EXOC7: variants seen among roughly 807,000 people sequenced by gnomAD.
EXOC7 encodes the protein exocyst complex component 7.
EXOC7 carries 51 observed loss-of-function variants against 87.6 expected under a neutral mutation model. That is an observed-to-expected ratio of 0.58 (90% CI 0.46 to 0.73). EXOC7 has a LOEUF of 0.73. Ranked by LOEUF, EXOC7 falls within the 30% of genes least tolerant of loss-of-function variation. EXOC7 has a pLI of 0.00. For missense variants in EXOC7, 744 were observed against 888.4 expected (o/e 0.84, Z 2.07); for synonymous variants, 327 against 357.1 (o/e 0.92, Z 0.95).
Position 76,085,333 on chromosome 17 carries a change from T to C in EXOC7, c.1693A>G (p.Ile565Val). The C allele has an allele frequency of 6.2e-7, 1 of 1,605,190 alleles. No homozygotes were observed. The highest frequency in any genetic ancestry group is 8.5e-7 in the Non-Finnish European group (1 of 1,176,508). ...RSYREHIEQQ[I>V]QTYQRSWLKV... is the part of the protein sequence containing the mutation. ...TCTCACCTGCGCTGGTAGGTCTGGA[T>C]CTGCTGCTCAATGTGCTCCCGGTAG... Residue 565 changes from isoleucine to valine, a missense_variant, in exon 15 of 19, where the codon ATC (isoleucine) becomes GTC (valine). Ile to Val is a conservative substitution (Grantham distance 29). Coordinates refer to ENST00000589210, the MANE Select transcript of EXOC7 (RefSeq NM_001013839.4).
At position 76,088,863 on chromosome 17, in the gene EXOC7, T is replaced by C. The variant is rs146202428; in HGVS notation, c.1108A>G (p.Ile370Val). ...ACCGTGGAGAAGTCGTGTCGCACAA[T>C]GGCCTTCCGGGCAGCAGACACGATG... The part of the protein sequence containing the change: ...ENIVSAARKA[I>V]VRHDFSTVLT... Residue 370 changes from isoleucine (I) to valine (V), a missense_variant, in exon 9 of 19, where the codon ATT (isoleucine) becomes GTT (valine). Ile to Val is a conservative substitution (Grantham distance 29). Transcript: ENST00000589210. The C allele has an allele frequency of 8.1e-6, 13 of 1,613,652 alleles. No homozygotes were observed. The African/African-American group carries it at 1.3e-4, about 17-fold the overall frequency.
In EXOC7 at chr17:76,085,360, A is replaced by G. The variant is rs2144596047; in HGVS notation, c.1666T>C (p.Ser556Pro). The G allele has an allele frequency of 6.2e-7, 1 of 1,610,172 alleles. No individual in the cohort carries two copies. The highest frequency in any genetic ancestry group is 8.5e-7 in the Non-Finnish European group (1 of 1,178,924). The change falls in exon 15 of 19, where the codon TCC becomes CCC. Residue 556 changes from serine (S) to proline (P), a missense_variant. Physicochemically the swap from Ser to Pro is moderately conservative, Grantham distance 74 (BLOSUM62 -1). Coordinates refer to ENST00000589210, the MANE Select transcript of EXOC7 (RefSeq NM_001013839.4). ...VAVTQKTAERSYREHIEQQIQ... is the reference protein window; with the variant it reads ...VAVTQKTAERPYREHIEQQIQ... ...TGCTGCTCAATGTGCTCCCGGTAGGAGCGCTCAGCAGTCTTCTGTGTCACT... is the reference window on the plus strand; with the variant it reads ...TGCTGCTCAATGTGCTCCCGGTAGGGGCGCTCAGCAGTCTTCTGTGTCACT...
In EXOC7 at chr17:76,081,824, G is replaced by C; in HGVS notation, c.*1824C>G. ...TCACCCACTGGTGCTCAGCTCGCTG[G>C]GCACCAGAGACACAGGGACTGGCCC... is the stretch of plus-strand genomic sequence containing the variant. On this transcript the variant is annotated 3_prime_UTR_variant, in exon 19 of 19. Coordinates refer to ENST00000589210, the MANE Select transcript of EXOC7 (RefSeq NM_001013839.4). The C allele has an allele frequency of 6.2e-7, 1 of 1,610,034 alleles. No homozygotes were observed. The highest frequency in any genetic ancestry group is 1.1e-5 in the South Asian group (1 of 90,936).
chr17:76,088,671 TG>T, intron 9 of EXOC7, 99 bp downstream of exon 9: 1 of 1,595,858 alleles, frequency 6.3e-7, no homozygotes, highest in Non-Finnish European at 8.6e-7. Context: ...AGCAGAAGTG[TG>T]GGACAGAGAA....
intron 3 of EXOC7, 57 bp downstream of exon 3, chr17:76,101,622 C>T (rs2068065876): frequency 1.9e-6 from 3 of 1,538,916 alleles, no homozygotes; most frequent in Non-Finnish European, 2.6e-6. Flanking sequence ...TACAGACCAA[C>T]CCTCCTGTTG....
intron 13 of EXOC7, 58 bp from the exon 14 acceptor site, chr17:76,085,855 C>A: frequency 6.3e-7 from 1 of 1,588,182 alleles, no homozygotes; most frequent in Non-Finnish European, 8.6e-7. Context: ...AACGACCCCA[C>A]CCCAGGACCC....
intron 5 of EXOC7, among the ~76,000 whole-genome samples, chr17:76,096,689 TG>T (rs1322686569): frequency 6.6e-6 from 1 of 152,140 alleles, no homozygotes; most frequent in African/African-American, 2.4e-5. Context: ...CAGTAATAGC[TG>T]GGATTACAGG....
chr17:76,089,003 T>G, intron 8 of EXOC7, 80 bp from the exon 9 acceptor site: 3 of 1,482,848 alleles, frequency 2.0e-6, no homozygotes, highest in Non-Finnish European at 1.9e-6. Context: ...CCTTGCAGTA[T>G]GTAGGGGGGC....
chr17:76,088,562 C>CGG lies in EXOC7; in HGVS notation c.1201-1_1201insCC (p.Gly401ProfsTer95). 6.2e-7 allele frequency: 1 copy of CGG among 1,613,120 alleles called. No homozygotes were observed. Among genetic ancestry groups the CGG allele is most frequent in the Non-Finnish European group, 8.5e-7 (1 of 1,179,656 alleles). On this transcript the variant is annotated frameshift_variant and splice_region_variant. Transcript: ENST00000589210. LOFTEE classifies it high-confidence loss of function. ...TTGTTCTTTGTGCTGGCAGCCGTGC[C>CGG]CTGAGGAAGCACAGGGGAGCCCCCA... is the stretch of plus-strand genomic sequence containing the variant.
chr17:76,097,597 G>C (rs563644216), intron 5 of EXOC7, among the ~76,000 whole-genome samples, 199 bp downstream of exon 5: 1 of 150,832 alleles, frequency 6.6e-6, no homozygotes, highest in Non-Finnish European at 1.5e-5. Context: ...CCAGCTACTC[G>C]GGAGGCTGAG....
At chr17:76,099,594 A>C (rs1340407132) in intron 4 of EXOC7, among the ~76,000 whole-genome samples, 2 of 152,238 alleles carry the variant, frequency 1.3e-5, no homozygotes, top group East Asian at 1.9e-4. Flanking sequence ...AATGAAATGA[A>C]GTACTGATAC....
At chr17:76,090,442 G>A (rs1048524453) in intron 7 of EXOC7, 1 of 1,551,702 alleles carries the variant, frequency 6.4e-7, no homozygotes, top group Admixed American at 2.0e-5. Context: ...GTTTATCCAG[G>A]GGCCAGGCAG....
At chr17:76,094,113 A>T in intron 6 of EXOC7, 1 of 282,128 alleles carries the variant, frequency 3.5e-6, no homozygotes, top group Non-Finnish European at 6.7e-6. Context: ...CGTGTGTGTG[A>T]GGGAGGAGGC....
At chr17:76,095,271 CTTT>C (rs560955720) in intron 5 of EXOC7, among the ~76,000 whole-genome samples, 4 of 139,120 alleles carry the variant, frequency 2.9e-5, no homozygotes, top group Admixed American at 1.4e-4. Flanking sequence ...TAGTTGTAAG[CTTT>C]TTTTTTTTTT....
In EXOC7 at chr17:76,087,653, C is replaced by T. The variant is rs1255214589; in HGVS notation, c.1429+1G>A. ...GGGGCCCAACTGGGAGGTACCAGTA[C>T]CTTGGGAGGCCAGCATGGCGCCTGC... On this transcript the variant is annotated splice_donor_variant, in intron 12 of 18. Transcript: ENST00000589210. LOFTEE classifies it high-confidence loss of function. 1 of 1,551,120 alleles carries T rather than the reference C, an allele frequency of 6.4e-7. No individual in the cohort carries two copies. Among genetic ancestry groups the T allele is most frequent in the Non-Finnish European group, 8.7e-7 (1 of 1,146,960 alleles).
chr17:76,091,075 C>A, intron 7 of EXOC7, 68 bp downstream of exon 7: 1 of 1,430,810 alleles, frequency 7.0e-7, no homozygotes, highest in Non-Finnish European at 9.9e-7. Flanking sequence ...GGGGGAGGCT[C>A]TGCCCTGCCA....
At chr17:76,103,136 G>GC in intron 2 of EXOC7, 1 of 569,550 alleles carries the variant, frequency 1.8e-6, no homozygotes, top group Non-Finnish European at 3.1e-6. Flanking sequence ...ACAGAAAGCA[G>GC]CAAGTCCAGG....
Position 76,083,004 on chromosome 17 carries a change from C to CAGGG in EXOC7, c.*640_*643dup. 1 of 203,922 alleles carries CAGGG rather than the reference C, an allele frequency of 4.9e-6. No individual in the cohort carries two copies. Among genetic ancestry groups the CAGGG allele is most frequent in the South Asian group, 1.2e-4 (1 of 8,352 alleles). 12.6% of individuals were successfully genotyped at this position (203,922 alleles called of 1,614,324 possible). A position where few individuals can be genotyped will look rare whatever the true frequency, so the allele number is the denominator to read the frequency against. ...AGGCACTGAGGCTGGGGGCCAGAGACAGGGGCCTGAGGAAGGCTGTAGAGG... is the reference window on the plus strand; with the variant it reads ...AGGCACTGAGGCTGGGGGCCAGAGACAGGGAGGGGCCTGAGGAAGGCTGTAGAGG... On this transcript the variant is annotated 3_prime_UTR_variant, in exon 19 of 19. Coordinates refer to ENST00000589210, the MANE Select transcript of EXOC7 (RefSeq NM_001013839.4).
Position 76,090,660 on chromosome 17 carries a change from G to T in EXOC7, c.901+483C>A, listed in dbSNP as rs557842502. 4 of 626,956 alleles carry T rather than the reference G, an allele frequency of 6.4e-6. No homozygotes were observed. The African/African-American group carries it at 7.3e-5, about 12-fold the overall frequency. 38.8% of individuals were successfully genotyped at this position (626,956 alleles called of 1,614,324 possible). A position where few individuals can be genotyped will look rare whatever the true frequency, so the allele number is the denominator to read the frequency against. On this transcript the variant is annotated intron_variant, in intron 7 of 18. Transcript: ENST00000589210. ...CCGAGCCTGGAGGCCCAGGGAAAGC[G>T]GAGAAGGACCAAGGAGGGGCTGAAG...
Sources: allele counts gnomAD v4.1 joint callset (sites outside exome capture counted in the v4.1 genomes callset), GRCh38; gene constraint gnomAD v4.1.1; transcripts MANE v1.5; gene names NCBI Gene and HGNC (gene_info 2026-07-23, HGNC 2026-07-21).